Variants in PCLO observed in about 807,000 individuals in gnomAD.
PCLO encodes piccolo presynaptic cytomatrix protein.
Under a neutral mutation model 427.5 loss-of-function variants are expected in PCLO, and 82 were observed. That is an observed-to-expected ratio of 0.19 (90% CI 0.16 to 0.23). The LOEUF is 0.23. Among genes scored for constraint, PCLO ranks in the 10% least tolerant of loss-of-function variants. The pLI is 1.00. For missense variants in PCLO, 6,239 were observed against 6,115.9 expected, an observed-to-expected ratio of 1.02 and a Z score of -0.67; for synonymous variants, 2,357 against 2,155.4, an observed-to-expected ratio of 1.09 and a Z score of -2.59.
At chr7:82,986,294 G>A (rs1038507984) in intron 3 of PCLO, among the ~76,000 whole-genome samples, 1 of 152,002 alleles carries the variant, frequency 6.6e-6, no homozygotes, top group African/African-American at 2.4e-5. Flanking sequence ...TACATGATTT[G>A]TAACAGCTTT....
chr7:82,998,000 C>G (rs41581), intron 3 of PCLO, among the ~76,000 whole-genome samples: 37,589 of 151,860 alleles, frequency 0.25, 5,568 homozygotes, highest in Middle Eastern at 0.44. Flanking sequence ...AACAACTCTT[C>G]TTAGATCTGT....
chr7:82,941,957 T>A (rs373221441), intron 6 of PCLO, among the ~76,000 whole-genome samples: 1 of 152,140 alleles, frequency 6.6e-6, no homozygotes, highest in South Asian at 2.1e-4. Context: ...GACTGAAGGA[T>A]CACTTGAGGT....
At chr7:83,065,349 T>C (rs992681794) in intron 3 of PCLO, among the ~76,000 whole-genome samples, 2 of 151,916 alleles carry the variant, frequency 1.3e-5, no homozygotes, top group African/African-American at 4.8e-5. Context: ...CTTAATTGTA[T>C]TAAATATGTA....
intron 3 of PCLO, among the ~76,000 whole-genome samples, chr7:83,065,314 T>C (rs1406073467): frequency 1.3e-5 from 2 of 151,966 alleles, no homozygotes; most frequent in African/African-American, 4.8e-5. Context: ...CCACTTTGTA[T>C]GGCTTTTTTC....
In PCLO at chr7:82,953,150, A is replaced by G. The variant is rs756890876; in HGVS notation, c.7803T>C (p.Ile2601=). The change falls in exon 5 of 25, where the codon ATT becomes ATC. Residue 2601 remains isoleucine, a synonymous_variant. Transcript: ENST00000333891. The part of the protein sequence containing the change: ...TPTDSSASQA[I]TSWPLGSPSK... ...AGGGTGATCCCAAGGGCCAACTGGTAATTGCTTGACTAGCAGAAGAATCTG... is the reference window on the plus strand; with the variant it reads ...AGGGTGATCCCAAGGGCCAACTGGTGATTGCTTGACTAGCAGAAGAATCTG... 6.2e-7 allele frequency: 1 copy of G among 1,613,988 alleles called. No homozygotes were observed. Among genetic ancestry groups the G allele is most frequent in the Non-Finnish European group, 8.5e-7 (1 of 1,179,868 alleles).
chr7:82,848,296 ATTAG>A (rs1792555919), intron 10 of PCLO, among the ~76,000 whole-genome samples: 1 of 133,620 alleles, frequency 7.5e-6, no homozygotes, highest in Admixed American at 8.0e-5. Flanking sequence ...TTGTTGAACC[ATTAG>A]TTAGTTTTTT....
intron 3 of PCLO, among the ~76,000 whole-genome samples, chr7:83,050,227 A>AAAAAAAAAAAAAAAAAAAAACAC (rs71074611): frequency 1.2e-5 from 1 of 85,620 alleles, no homozygotes. Context: ...AAAAAAAAAA[A>AAAAAAAAAAAAAAAAAAAAACAC]AAAAAAAAAA....
intron 20 of PCLO, among the ~76,000 whole-genome samples, chr7:82,808,248 T>C (rs563278754): frequency 6.6e-6 from 1 of 151,864 alleles, no homozygotes; most frequent in Non-Finnish European, 1.5e-5. Context: ...GACACTAATA[T>C]TCAATCAATT....
chr7:82,824,054 G>C (rs949645710), intron 19 of PCLO, among the ~76,000 whole-genome samples, 182 bp downstream of exon 19: 3 of 152,140 alleles, frequency 2.0e-5, no homozygotes, highest in African/African-American at 4.8e-5. Context: ...CTAAGTATGG[G>C]TGATGATCTG....
Position 83,134,233 on chromosome 7 carries a change from A to ATG in PCLO, c.3300+16_3300+17insCA. On this transcript the variant is annotated intron_variant, in intron 3 of 24. Transcript: ENST00000333891. The stretch of plus-strand genomic sequence containing the variant: ...CTCCATATGTAATATATATATATAT[A>ATG]TATATATATAACTTACCTCAGTCAA... The ATG allele has an allele frequency of 1.9e-5, 14 of 753,210 alleles. No homozygotes were observed. Among genetic ancestry groups the ATG allele is most frequent in the Non-Finnish European group, 2.7e-5 (14 of 521,356 alleles). The allele number at this position is 753,210 out of a possible 1,614,324, so 46.7% of individuals were successfully genotyped here.
chr7:82,968,863 G>C (rs1795840024), intron 3 of PCLO, among the ~76,000 whole-genome samples: 1 of 152,088 alleles, frequency 6.6e-6, no homozygotes, highest in South Asian at 2.1e-4. Flanking sequence ...ACGAATGGCT[G>C]CATTACCGTG....
intron 9 of PCLO, among the ~76,000 whole-genome samples, chr7:82,890,445 A>G (rs1177150228): frequency 2.6e-5 from 4 of 151,358 alleles, no homozygotes; most frequent in African/African-American, 9.7e-5. Context: ...TCCCATACCT[A>G]TCTCATATCT....
At chr7:83,070,488 C>T (rs1789785497) in intron 3 of PCLO, among the ~76,000 whole-genome samples, 3 of 151,352 alleles carry the variant, frequency 2.0e-5, no homozygotes, top group South Asian at 2.1e-4. Context: ...CCCGGGTTCA[C>T]GCCATTCTCC....
intron 9 of PCLO, 146 bp from the exon 10 acceptor site, chr7:82,879,608 T>C: frequency 1.6e-6 from 1 of 610,706 alleles, no homozygotes; most frequent in Non-Finnish European, 2.9e-6. Context: ...AACCAAAGTA[T>C]GTTATTCTGA....
At chr7:83,008,081 T>G (rs1304605544) in intron 3 of PCLO, among the ~76,000 whole-genome samples, 1 of 151,706 alleles carries the variant, frequency 6.6e-6, no homozygotes, top group Non-Finnish European at 1.5e-5. Flanking sequence ...ACCTGTTATT[T>G]GTGTAATAAA....
At chr7:82,978,776 T>C (rs1371181179) in intron 3 of PCLO, among the ~76,000 whole-genome samples, 1 of 151,574 alleles carries the variant, frequency 6.6e-6, no homozygotes, top group Non-Finnish European at 1.5e-5. Context: ...TTATGAGCTG[T>C]GGCAGACCAA....
At chr7:82,909,450 G>C (rs1276111016) in intron 7 of PCLO, among the ~76,000 whole-genome samples, 1 of 151,878 alleles carries the variant, frequency 6.6e-6, no homozygotes, top group Non-Finnish European at 1.5e-5. Flanking sequence ...GTAGGCCGAT[G>C]GGTGCAGCAA....
At chr7:83,003,090 T>G (rs1196092547) in intron 3 of PCLO, among the ~76,000 whole-genome samples, 3 of 151,466 alleles carry the variant, frequency 2.0e-5, no homozygotes, top group Non-Finnish European at 4.4e-5. Context: ...TTTCTACAGG[T>G]GGTTTTCAAT....
chr7:82,848,530 C>CA (rs1792566737), intron 10 of PCLO, among the ~76,000 whole-genome samples: 1 of 151,774 alleles, frequency 6.6e-6, no homozygotes, highest in Admixed American at 6.6e-5. Flanking sequence ...AGGCTGGTCT[C>CA]AAACTCCTAA....
Sources: gnomAD v4.1 joint callset for allele counts (sites outside exome capture counted in the v4.1 genomes callset) on GRCh38, gnomAD v4.1.1 for gene constraint, MANE v1.5 for transcripts, NCBI Gene and HGNC (gene_info 2026-07-23, HGNC 2026-07-21) for gene names.